The following GABBR2 variants were observed in gnomAD, a reference collection of about 807,000 sequenced individuals.
GABBR2 encodes gamma-aminobutyric acid type B receptor subunit 2, also known as G-protein coupled receptor 51.
In GABBR2, 23 loss-of-function variants were observed where a neutral mutation model predicts 105.6. The ratio of observed to expected loss-of-function variants is 0.22; its 90% CI spans 0.16 to 0.31. The LOEUF (loss-of-function observed/expected upper bound fraction) is 0.31. Ranked by LOEUF, GABBR2 falls within the 10% of genes least tolerant of loss-of-function variation. The pLI is 1.00. For missense variants in GABBR2, 734 were observed against 1,245.5 expected (o/e 0.59, Z 6.18); for synonymous variants, 478 against 499.7 (o/e 0.96, Z 0.58).
intron 1 of GABBR2, chr9:98,607,587 C>T (rs1227998924): frequency 1.0e-5 from 7 of 681,730 alleles, no homozygotes; most frequent in Non-Finnish European, 1.6e-5. Context: ...ATACTATCAT[C>T]AAAGTTAATG....
At chr9:98,405,435 A>G (rs987247556) in intron 8 of GABBR2, among the ~76,000 whole-genome samples, 1 of 152,138 alleles carries the variant, frequency 6.6e-6, no homozygotes, top group African/African-American at 2.4e-5. Context: ...TTTCTCTACA[A>G]AAAACACCCC....
At chr9:98,534,705 A>G (rs1015651229) in intron 3 of GABBR2, among the ~76,000 whole-genome samples, 1 of 152,248 alleles carries the variant, frequency 6.6e-6, no homozygotes, top group Non-Finnish European at 1.5e-5. Context: ...GAATGGCCAA[A>G]CTCCAGAACG....
At chr9:98,303,935 T>C (rs1460587851) in intron 15 of GABBR2, among the ~76,000 whole-genome samples, 2 of 152,232 alleles carry the variant, frequency 1.3e-5, no homozygotes, top group African/African-American at 2.4e-5. Context: ...ACAGTTTCCG[T>C]GAGTCAGGGG....
chr9:98,376,881 C>T (rs1831883893), intron 11 of GABBR2, among the ~76,000 whole-genome samples: 1 of 152,062 alleles, frequency 6.6e-6, no homozygotes, highest in Non-Finnish European at 1.5e-5. Flanking sequence ...TGGGGCAAAT[C>T]AGAGAGAGGT....
chr9:98,411,911 A>G (rs1278898305), intron 7 of GABBR2, among the ~76,000 whole-genome samples: 5 of 152,216 alleles, frequency 3.3e-5, no homozygotes, highest in Non-Finnish European at 7.3e-5. Flanking sequence ...AATCCTCAGA[A>G]AAGTTAGTGG....
chr9:98,539,926 A>G (rs564950071), intron 3 of GABBR2, among the ~76,000 whole-genome samples: 10 of 151,840 alleles, frequency 6.6e-5, no homozygotes, highest in Non-Finnish European at 1.3e-4. Flanking sequence ...AAAAAAAAAA[A>G]AAAAAAGAAA....
At chr9:98,554,926 G>A (rs1828559373) in intron 2 of GABBR2, among the ~76,000 whole-genome samples, 1 of 152,232 alleles carries the variant, frequency 6.6e-6, no homozygotes, top group African/African-American at 2.4e-5. Flanking sequence ...CTGGGTTTCA[G>A]TTTGGACAGG....
intron 7 of GABBR2, among the ~76,000 whole-genome samples, chr9:98,421,824 A>G (rs1237557174): frequency 1.3e-5 from 2 of 152,262 alleles, no homozygotes; most frequent in Admixed American, 1.3e-4. Context: ...AAATCCATAA[A>G]CAAGAGTGGA....
At position 98,312,899 on chromosome 9, in the gene GABBR2, G is replaced by A. The variant is rs150229279; in HGVS notation, c.1894-1694C>T. Among the ~76,000 whole-genome samples, 565 of 152,140 alleles carry A rather than the reference G, an allele frequency of 3.7e-3. 2 individuals are homozygous for A. Among genetic ancestry groups the A allele is most frequent in the African/African-American group, 0.012 (511 of 41,506 alleles). On this transcript the variant is annotated intron_variant, in intron 13 of 18. Transcript: ENST00000259455. ...TGAGTAGCTGGGATTATAGGCGGCC[G>A]CCACCATGCCTGGCTAATTTTTGTA...
At chr9:98,470,364 G>A (rs1160095372) in intron 6 of GABBR2, among the ~76,000 whole-genome samples, 2 of 152,192 alleles carry the variant, frequency 1.3e-5, no homozygotes, top group African/African-American at 4.8e-5. Context: ...GAAGGTGAAA[G>A]GCACATCTCA....
At chr9:98,465,636 C>A (rs931577971) in intron 6 of GABBR2, among the ~76,000 whole-genome samples, 2 of 152,160 alleles carry the variant, frequency 1.3e-5, no homozygotes, top group African/African-American at 2.4e-5. Flanking sequence ...CAAAATGATA[C>A]CACATCTATA....
In GABBR2 at chr9:98,293,820, G is replaced by A. The variant is rs780417364; in HGVS notation, c.2625C>T (p.Cys875=). 2 of 1,605,418 alleles carry A rather than the reference G, an allele frequency of 1.2e-6. No homozygotes were observed. Among genetic ancestry groups the A allele is most frequent in the East Asian group, 2.2e-5 (1 of 44,858 alleles). The change falls in exon 18 of 19, where the codon TGC becomes TGT. Residue 875 remains cysteine (C), a synonymous_variant. Transcript: ENST00000259455. ...AGTTTATATCTTCTATAGGATCTTTGCATGTTCGAGAGGGCTCTGTTGTGT... is the reference window on the plus strand; with the variant it reads ...AGTTTATATCTTCTATAGGATCTTTACATGTTCGAGAGGGCTCTGTTGTGT... ...QWNTTEPSRT[C]KDPIEDINSP...
chr9:98,303,396 C>A lies in GABBR2; in HGVS notation c.2257G>T (p.Ala753Ser), dbSNP rs761164200. 2.5e-6 allele frequency: 4 copies of A among 1,614,060 alleles called. No homozygotes were observed. Among genetic ancestry groups the A allele is most frequent in the Non-Finnish European group, 3.4e-6 (4 of 1,180,018 alleles). Residue 753 changes from alanine to serine, a missense_variant, in exon 16 of 19, where the codon GCA becomes TCA. Ala to Ser is a moderately conservative substitution (Grantham distance 99). Around this residue, in one of 7 missense-constraint regions of GABBR2, gnomAD observed 91 missense variants for 185.9 expected, o/e 0.49. Coordinates refer to ENST00000259455, the MANE Select transcript of GABBR2 (RefSeq NM_005458.8). ...TGGAATCGCCTGTTCTGCGTTGCTG[C>A]ATCTGGGTTTGTTCTCAGGGTGATG... ...KLITLRTNPD[A>S]ATQNRRFQFT... is the part of the protein sequence containing the mutation.
intron 3 of GABBR2, among the ~76,000 whole-genome samples, chr9:98,497,944 C>A (rs1481013038): frequency 6.6e-6 from 1 of 152,186 alleles, no homozygotes; most frequent in African/African-American, 2.4e-5. Context: ...TTCATAAGAA[C>A]ATTTGTTCAC....
Position 98,607,254 on chromosome 9 carries a change from G to T in GABBR2, c.322-29182C>A, listed in dbSNP as rs1167737526. The stretch of plus-strand genomic sequence containing the variant: ...CATTGATAATAAACTTGAGGACTAC[G>T]TAAATGCAGAATCGCATGTGAACGG... On this transcript the variant is annotated intron_variant, in intron 1 of 18. Coordinates refer to ENST00000259455, the MANE Select transcript of GABBR2 (RefSeq NM_005458.8). 10 of 1,243,166 alleles carry T rather than the reference G, an allele frequency of 8.0e-6. No homozygotes were observed. In the East Asian group the frequency reaches 2.3e-4, roughly 29 times the overall value. The allele number at this position is 1,243,166 out of a possible 1,614,324, so 77.0% of individuals were successfully genotyped here. A position where few individuals can be genotyped will look rare whatever the true frequency, so the allele number is the denominator to read the frequency against.
chr9:98,613,011 C>T (rs924755849), intron 1 of GABBR2, among the ~76,000 whole-genome samples: 11 of 152,136 alleles, frequency 7.2e-5, no homozygotes, highest in Admixed American at 2.6e-4. Flanking sequence ...CTGCCTCAGC[C>T]CACAGGAAGC....
At chr9:98,359,804 G>A (rs549176580) in intron 13 of GABBR2, among the ~76,000 whole-genome samples, 11 of 152,324 alleles carry the variant, frequency 7.2e-5, no homozygotes, top group African/African-American at 2.6e-4. Context: ...TGTGGAGGCT[G>A]GCTGAGACAT....
intron 1 of GABBR2, among the ~76,000 whole-genome samples, chr9:98,707,624 C>T (rs1487437945): frequency 6.6e-6 from 1 of 152,238 alleles, no homozygotes; most frequent in African/African-American, 2.4e-5. Context: ...TGTGCTCCGG[C>T]TGCTAGGTCG....
chr9:98,500,985 C>T (rs929807997), intron 3 of GABBR2, among the ~76,000 whole-genome samples: 3 of 152,010 alleles, frequency 2.0e-5, no homozygotes, highest in Non-Finnish European at 2.9e-5. Flanking sequence ...CTAAACAAAG[C>T]AGGATAAGTT....
Sources: gnomAD v4.1 joint callset for allele counts (sites outside exome capture counted in the v4.1 genomes callset) on GRCh38, gnomAD v4.1.1 for gene constraint, gnomAD v4.1.1 regional missense constraint, MANE v1.5 for transcripts, NCBI Gene and HGNC (gene_info 2026-07-23, HGNC 2026-07-21) for gene names.